The following MARCHF3 variants were observed in gnomAD, a reference collection of about 807,000 sequenced individuals.
The protein encoded by MARCHF3 is membrane associated ring-CH-type finger 3, also known as E3 ubiquitin-protein ligase MARCHF3.
Under a neutral mutation model 24.2 loss-of-function variants are expected in MARCHF3, and 13 were observed. The observed-to-expected ratio is 0.54, with a 90% confidence interval of 0.35 to 0.85. The LOEUF (loss-of-function observed/expected upper bound fraction) is 0.85, where lower values mean the gene tolerates loss of function less well. Among genes scored for constraint, MARCHF3 ranks in the 40% least tolerant of loss-of-function variants. MARCHF3 has a pLI of 0.01. For synonymous variants in MARCHF3, 144 were observed against 137.3 expected (o/e 1.05, Z -0.34); for missense variants, 276 against 325.0 (o/e 0.85, Z 1.16).
At chr5:127,029,338 A>C (rs1278884084) in intron 1 of MARCHF3, among the ~76,000 whole-genome samples, 1 of 152,178 alleles carries the variant, frequency 6.6e-6, no homozygotes, top group Non-Finnish European at 1.5e-5. Context: ...AACATCCCCA[A>C]ATTCTGGACC....
At chr5:126,901,163 T>G (rs1754092557) in intron 3 of MARCHF3, among the ~76,000 whole-genome samples, 2 of 152,056 alleles carry the variant, frequency 1.3e-5, no homozygotes, top group Admixed American at 6.6e-5. Context: ...TGAAATAAGA[T>G]GATTATATAA....
chr5:126,895,918 T>A (rs1452829204), intron 3 of MARCHF3, among the ~76,000 whole-genome samples: 1 of 152,130 alleles, frequency 6.6e-6, no homozygotes, highest in Non-Finnish European at 1.5e-5. Context: ...AGCCTTGCTG[T>A]GGCCTTGCAG....
chr5:126,998,136 T>C (rs533358106), intron 1 of MARCHF3, among the ~76,000 whole-genome samples: 31 of 152,326 alleles, frequency 2.0e-4, no homozygotes, highest in African/African-American at 7.5e-4. Flanking sequence ...GGAGAACTTT[T>C]ATCTTTTATT....
At chr5:126,888,855 C>T (rs1467506648) in intron 3 of MARCHF3, among the ~76,000 whole-genome samples, 2 of 152,178 alleles carry the variant, frequency 1.3e-5, no homozygotes, top group African/African-American at 4.8e-5. Context: ...ACCTCCACCT[C>T]CCAGGTTCAA....
intron 1 of MARCHF3, among the ~76,000 whole-genome samples, chr5:127,000,591 C>T (rs909867772): frequency 1.3e-5 from 2 of 152,210 alleles, no homozygotes; most frequent in Admixed American, 1.3e-4. Flanking sequence ...GATAACCCAT[C>T]CAGCTTTACA....
chr5:126,902,887 G>A (rs566492991), intron 3 of MARCHF3, among the ~76,000 whole-genome samples: 1 of 152,110 alleles, frequency 6.6e-6, no homozygotes, highest in Non-Finnish European at 1.5e-5. Flanking sequence ...AGTCCACGTG[G>A]AGGCAGGTGG....
chr5:126,966,419 T>A (rs1031688733), intron 1 of MARCHF3, among the ~76,000 whole-genome samples: 3 of 150,374 alleles, frequency 2.0e-5, no homozygotes, highest in African/African-American at 7.6e-5. Flanking sequence ...CTCATCCATC[T>A]CAGTTCCCTC....
intron 3 of MARCHF3, among the ~76,000 whole-genome samples, chr5:126,908,584 A>G (rs1432073943): frequency 6.6e-6 from 1 of 151,826 alleles, no homozygotes; most frequent in East Asian, 1.9e-4. Context: ...TCTTCCATCA[A>G]TGGTATCCTT....
intron 1 of MARCHF3, among the ~76,000 whole-genome samples, chr5:126,936,697 C>G (rs568490128): frequency 2.0e-5 from 3 of 152,002 alleles, no homozygotes; most frequent in Admixed American, 6.6e-5. Flanking sequence ...TTTTATAACC[C>G]TCAGGAGGGA....
chr5:126,886,550 A>G (rs1259092023), intron 3 of MARCHF3, among the ~76,000 whole-genome samples: 1 of 152,202 alleles, frequency 6.6e-6, no homozygotes, highest in African/African-American at 2.4e-5. Context: ...GGAGTGGTGA[A>G]GCAGCCTCTC....
intron 1 of MARCHF3, among the ~76,000 whole-genome samples, chr5:126,951,489 A>G (rs1368289741): frequency 2.6e-5 from 4 of 152,026 alleles, no homozygotes. Flanking sequence ...TAAAAGCTGA[A>G]CTCCTGAATC....
In MARCHF3 at chr5:126,984,608, C is replaced by T. The variant is rs563903646; in HGVS notation, c.-57+45742G>A. Among the ~76,000 whole-genome samples, 15 of 152,260 alleles carry T rather than the reference C, an allele frequency of 9.9e-5. No individual in the cohort carries two copies. The South Asian group carries it at 1.7e-3, about 17-fold the overall frequency. ...AACATTCTTGGGTCATGGGTCTCTTCTAGGATACAAGAAAAACTATAGAGT... is the reference window on the plus strand; with the variant it reads ...AACATTCTTGGGTCATGGGTCTCTTTTAGGATACAAGAAAAACTATAGAGT... On this transcript the variant is annotated intron_variant, in intron 1 of 4. Transcript: ENST00000308660.
intron 3 of MARCHF3, among the ~76,000 whole-genome samples, chr5:126,897,189 G>A (rs1753951847): frequency 6.6e-6 from 1 of 151,740 alleles, no homozygotes. Context: ...ACAGGCATGT[G>A]CCACCACGCC....
chr5:127,006,256 T>C (rs1271678892), intron 1 of MARCHF3, among the ~76,000 whole-genome samples: 1 of 152,080 alleles, frequency 6.6e-6, no homozygotes, highest in Non-Finnish European at 1.5e-5. Context: ...CAAATCCTTT[T>C]TGTCTTACCA....
At chr5:127,008,287 T>C (rs1469496624) in intron 1 of MARCHF3, among the ~76,000 whole-genome samples, 2 of 152,204 alleles carry the variant, frequency 1.3e-5, no homozygotes, top group African/African-American at 4.8e-5. Context: ...ATTGTTTGAT[T>C]GCTCGAAGAA....
intron 1 of MARCHF3, among the ~76,000 whole-genome samples, chr5:126,939,717 T>C (rs529681561): frequency 1.3e-5 from 2 of 152,350 alleles, no homozygotes; most frequent in African/African-American, 4.8e-5. Context: ...GATTACTGAA[T>C]TAGTGAATAC....
rs144003314 is a variant in MARCHF3, at chr5:126,975,550, G to A, written c.-57+54800C>T. On this transcript the variant is annotated intron_variant, in intron 1 of 4. Coordinates refer to ENST00000308660, the MANE Select transcript of MARCHF3 (RefSeq NM_178450.5). ...AATTTGTGTAATATTCTGGTAAAAC[G>A]GCCTAAACTGGGGTCATATTTCCTC... Among the ~76,000 whole-genome samples the A allele has an allele frequency of 1.3e-3, 204 of 152,200 alleles. 2 individuals are homozygous for A. The highest frequency in any genetic ancestry group is 4.7e-3 in the African/African-American group (194 of 41,522).
chr5:126,878,592 TAAC>T (rs1195641552), intron 3 of MARCHF3, among the ~76,000 whole-genome samples, 198 bp from the exon 4 acceptor site: 9 of 152,174 alleles, frequency 5.9e-5, no homozygotes, highest in Non-Finnish European at 5.9e-5. Context: ...ATGATACAAA[TAAC>T]AATAATAATT....
intron 1 of MARCHF3, among the ~76,000 whole-genome samples, chr5:127,007,343 A>G (rs1752340182): frequency 6.6e-6 from 1 of 151,608 alleles, no homozygotes; most frequent in African/African-American, 2.4e-5. Context: ...ACTTGCATAC[A>G]AGTAAAAAAA....
Sources: gnomAD v4.1 joint callset for allele counts (sites outside exome capture counted in the v4.1 genomes callset) on GRCh38, gnomAD v4.1.1 for gene constraint, MANE v1.5 for transcripts, NCBI Gene and HGNC (gene_info 2026-07-23, HGNC 2026-07-21) for gene names.